The following LAMA2 variants were observed in gnomAD, a reference collection of about 807,000 sequenced individuals.
LAMA2 encodes laminin subunit alpha 2, also known as laminin subunit alpha-2.
A neutral mutation model predicts 364.8 loss-of-function variants in LAMA2; 269 were observed. That is an observed-to-expected ratio of 0.74 (90% CI 0.67 to 0.82). The LOEUF (loss-of-function observed/expected upper bound fraction) is 0.82, where lower values mean the gene tolerates loss of function less well. Among genes scored for constraint, LAMA2 ranks in the 40% least tolerant of loss-of-function variants. The pLI, the probability that LAMA2 is intolerant of heterozygous loss-of-function variation, is 0.00. For missense variants in LAMA2, 3,807 were observed against 3,873.2 expected (o/e 0.98, Z 0.45); for synonymous variants, 1,379 against 1,370.6 (o/e 1.01, Z -0.14).
At chr6:128,977,440 T>G (rs1455699805) in intron 1 of LAMA2, among the ~76,000 whole-genome samples, 1 of 152,018 alleles carries the variant, frequency 6.6e-6, no homozygotes, top group Non-Finnish European at 1.5e-5. Context: ...TATTTTTGTT[T>G]TTCATAGAGA....
In LAMA2 at chr6:129,328,399, C is replaced by T; in HGVS notation, c.4298C>T (p.Thr1433Ile). ...NGHSSLCDPETSICQNCQHHT... is the reference protein window; with the variant it reads ...NGHSSLCDPEISICQNCQHHT... Reference sequence around the variant, plus strand: ...CACAGCAGCCTGTGTGACCCTGAAACATCGATATGCCAGGTAGTCCTCTGA... The same window carrying T: ...CACAGCAGCCTGTGTGACCCTGAAATATCGATATGCCAGGTAGTCCTCTGA... Residue 1433 changes from threonine to isoleucine, a missense_variant, in exon 29 of 65, where the codon ACA (threonine) becomes ATA (isoleucine). Thr to Ile is a moderately conservative substitution (Grantham distance 89, BLOSUM62 -1). This residue lies in a region of LAMA2 where 3,333 missense variants were observed against 3,345.7 expected (regional missense o/e 1.00). Coordinates refer to ENST00000421865, the MANE Select transcript of LAMA2 (RefSeq NM_000426.4). 1.2e-6 allele frequency: 2 copies of T among 1,614,158 alleles called. No homozygotes were observed. The highest frequency in any genetic ancestry group is 1.7e-6 in the Non-Finnish European group (2 of 1,180,016).
At chr6:129,013,999 G>A (rs1285758848) in intron 1 of LAMA2, among the ~76,000 whole-genome samples, 1 of 152,114 alleles carries the variant, frequency 6.6e-6, no homozygotes, top group Non-Finnish European at 1.5e-5. Context: ...AAAGGAAAGA[G>A]GAGAAACTTT....
chr6:129,046,086 G>T (rs1390900641), intron 1 of LAMA2, among the ~76,000 whole-genome samples: 1 of 152,174 alleles, frequency 6.6e-6, no homozygotes, highest in East Asian at 1.9e-4. Context: ...GCGAGCAAGA[G>T]AAGTATAATT....
At chr6:129,096,800 C>G (rs763582509) in intron 3 of LAMA2, among the ~76,000 whole-genome samples, 1 of 152,152 alleles carries the variant, frequency 6.6e-6, no homozygotes, top group African/African-American at 2.4e-5. Flanking sequence ...TTGACTCATT[C>G]GATGGGTGAT....
chr6:129,514,929 A>T (rs1326265861), intron 64 of LAMA2, among the ~76,000 whole-genome samples: 6 of 106,114 alleles, frequency 5.7e-5, no homozygotes, highest in South Asian at 3.1e-4. Context: ...TGATTTTTTT[A>T]AAATTAATAT....
At chr6:128,979,886 A>G (rs1487165263) in intron 1 of LAMA2, among the ~76,000 whole-genome samples, 1 of 152,224 alleles carries the variant, frequency 6.6e-6, no homozygotes, top group African/African-American at 2.4e-5. Context: ...TTCATTTATA[A>G]AGTTCTTGTC....
At chr6:129,260,914 T>C in intron 15 of LAMA2, 92 bp downstream of exon 15, 1 of 797,328 alleles carries the variant, frequency 1.3e-6, no homozygotes, top group Non-Finnish European at 2.2e-6. Flanking sequence ...TTTTTTTCTA[T>C]CAATAATTAC....
chr6:129,072,765 G>A (rs115847097), intron 3 of LAMA2, among the ~76,000 whole-genome samples: 1,860 of 151,746 alleles, frequency 0.012, 40 homozygotes, highest in African/African-American at 0.043. Flanking sequence ...GGTAACTTGC[G>A]TCCTTCATTT....
chr6:129,403,765 C>T lies in LAMA2; in HGVS notation c.5727-56C>T, dbSNP rs916956291. On this transcript the variant is annotated intron_variant, in intron 39 of 64. Coordinates refer to ENST00000421865, the MANE Select transcript of LAMA2 (RefSeq NM_000426.4). ...CCAGATTTCATATAATTAGGACGTT[C>T]TTCATTTGAGTACCATTGAGTGCCC... The T allele has an allele frequency of 1.3e-5, 20 of 1,535,768 alleles. No individual in the cohort carries two copies. The African/African-American group carries it at 2.6e-4, about 20-fold the overall frequency.
Position 129,066,038 on chromosome 6 carries a change from G to GTATGTCTTT in LAMA2, c.396+6143_396+6144insATGTCTTTT, listed in dbSNP as rs59543848. On this transcript the variant is annotated intron_variant, in intron 3 of 64. Coordinates refer to ENST00000421865, the MANE Select transcript of LAMA2 (RefSeq NM_000426.4). ...TCTTTTGTAAATTGCCCAGTCTCAGGTTTTTTTTTTTTTTTTTTTTTTTTT... is the reference window on the plus strand; with the variant it reads ...TCTTTTGTAAATTGCCCAGTCTCAGGTATGTCTTTTTTTTTTTTTTTTTTTTTTTTTTTT... 9.2e-4 allele frequency among the ~76,000 whole-genome samples: 34 copies of GTATGTCTTT among 37,108 alleles called. 8 individuals are homozygous for GTATGTCTTT. Among genetic ancestry groups the GTATGTCTTT allele is most frequent in the South Asian group, 4.4e-3 (3 of 684 alleles). 24.3% of individuals were successfully genotyped at this position (37,108 alleles called of 152,430 possible).
Position 129,200,308 on chromosome 6 carries a change from A to G in LAMA2, c.1782+7455A>G, listed in dbSNP as rs111066632. Among the ~76,000 whole-genome samples the G allele has an allele frequency of 1.9e-4, 27 of 144,926 alleles. 3 individuals carry two copies. The highest frequency in any genetic ancestry group is 7.3e-3 in the Middle Eastern group (2 of 274). On this transcript the variant is annotated intron_variant, in intron 12 of 64. Coordinates refer to ENST00000421865, the MANE Select transcript of LAMA2 (RefSeq NM_000426.4). Reference sequence around the variant, plus strand: ...TACGTGTACACATATACATGTGTGTATATATATACGTGTACACATATACAT... The same window carrying G: ...TACGTGTACACATATACATGTGTGTGTATATATACGTGTACACATATACAT...
At chr6:128,908,522 CTCT>C (rs1337786581) in intron 1 of LAMA2, among the ~76,000 whole-genome samples, 2 of 146,114 alleles carry the variant, frequency 1.4e-5, no homozygotes, top group Non-Finnish European at 3.0e-5. Flanking sequence ...TGATTCTTCT[CTCT>C]TTTTTTCTTT....
At chr6:129,221,623 G>A (rs1783860715) in intron 12 of LAMA2, among the ~76,000 whole-genome samples, 2 of 152,106 alleles carry the variant, frequency 1.3e-5, no homozygotes, top group Non-Finnish European at 2.9e-5. Context: ...ATATTGAAAA[G>A]TATTTGAATC....
At chr6:129,469,355 T>A (rs1206018819) in intron 51 of LAMA2, among the ~76,000 whole-genome samples, 1 of 151,788 alleles carries the variant, frequency 6.6e-6, no homozygotes, top group African/African-American at 2.4e-5. Flanking sequence ...AGAGATGCAG[T>A]GGGAATTGAC....
intron 3 of LAMA2, among the ~76,000 whole-genome samples, chr6:129,062,537 T>A (rs1788999552): frequency 1.3e-5 from 2 of 152,168 alleles, no homozygotes; most frequent in South Asian, 4.1e-4. Flanking sequence ...CCTGTTTCGT[T>A]ATAAAGCAGG....
intron 32 of LAMA2, among the ~76,000 whole-genome samples, chr6:129,359,285 T>TAA (rs5879945): frequency 6.8e-6 from 1 of 147,756 alleles, no homozygotes; most frequent in African/African-American, 2.4e-5. Context: ...ATTTAATATA[T>TAA]AAAAATATAT....
At position 129,389,033 on chromosome 6, in the gene LAMA2, T is replaced by C. The variant is rs550755584; in HGVS notation, c.5072-2458T>C. On this transcript the variant is annotated intron_variant, in intron 35 of 64. Coordinates refer to ENST00000421865, the MANE Select transcript of LAMA2 (RefSeq NM_000426.4). Reference sequence around the variant, plus strand: ...AATCAGCCTATGGTTACTGTGATTCTGTAACAAAATTGAGACACAGCCTAG... The same window carrying C: ...AATCAGCCTATGGTTACTGTGATTCCGTAACAAAATTGAGACACAGCCTAG... Among the ~76,000 whole-genome samples the C allele has an allele frequency of 8.1e-4, 123 of 152,314 alleles. 1 individual carries two copies. In the South Asian group the frequency reaches 9.1e-3, roughly 11 times the overall value.
Position 129,250,138 on chromosome 6 carries a change from A to G in LAMA2, c.1809A>G (p.Thr603=), listed in dbSNP as rs959409248. 2 of 1,608,270 alleles carry G rather than the reference A, an allele frequency of 1.2e-6. No individual in the cohort carries two copies. The highest frequency in any genetic ancestry group is 1.7e-6 in the Non-Finnish European group (2 of 1,175,086). The change falls in exon 13 of 65, where the codon ACA becomes ACG. Residue 603 remains threonine (T), a synonymous_variant. Coordinates refer to ENST00000421865, the MANE Select transcript of LAMA2 (RefSeq NM_000426.4). ...TCCCAGCAGTAGGAGGACAGTTGAC[A>G]TTTACCATATCATATGACCTTGAAG... ...NKLPAVGGQL[T]FTISYDLEEE...
intron 29 of LAMA2, among the ~76,000 whole-genome samples, chr6:129,331,666 A>G (rs1176229439): frequency 6.6e-6 from 1 of 151,078 alleles, no homozygotes; most frequent in African/African-American, 2.4e-5. Flanking sequence ...TTTTTTTTCC[A>G]TCTTAAAAGC....
Sources: gnomAD v4.1 joint callset for allele counts (sites outside exome capture counted in the v4.1 genomes callset) on GRCh38, gnomAD v4.1.1 for gene constraint, gnomAD v4.1.1 regional missense constraint, MANE v1.5 for transcripts, NCBI Gene and HGNC (gene_info 2026-07-23, HGNC 2026-07-21) for gene names.